Variants in EML1 observed in about 807,000 individuals in gnomAD.
EML1 encodes echinoderm microtubule-associated protein-like 1.
Under a neutral mutation model 110.4 loss-of-function variants are expected in EML1, and 27 were observed. That is an observed-to-expected ratio of 0.24 (90% confidence interval 0.18 to 0.34). EML1 has a LOEUF of 0.34. EML1 is among the 10% of genes least tolerant of loss of function. The pLI is 1.00. For synonymous variants in EML1, 344 were observed against 385.8 expected (o/e 0.89, Z 1.27); for missense variants, 741 against 1,030.9 (o/e 0.72, Z 3.85).
At chr14:99,873,386 G>T (rs143332046) in intron 3 of EML1, among the ~76,000 whole-genome samples, 1 of 152,356 alleles carries the variant, frequency 6.6e-6, no homozygotes, top group East Asian at 1.9e-4. Flanking sequence ...ACTGAAGCCA[G>T]TGCTGGGTAC....
intron 1 of EML1, among the ~76,000 whole-genome samples, chr14:99,829,885 G>A (rs951074479): frequency 6.6e-6 from 1 of 152,058 alleles, no homozygotes; most frequent in African/African-American, 2.4e-5. Context: ...TTGCTTATCC[G>A]TTCATCCATC....
At chr14:99,771,902 C>T (rs1340060670), upstream of EML1, among the ~76,000 whole-genome samples, 6 of 152,204 alleles carry the variant, frequency 3.9e-5, no homozygotes, top group Non-Finnish European at 5.9e-5. Context: ...TGTTTCTTGC[C>T]TATGTCATAC....
chr14:99,777,182 GA>G (rs1311964089), intron 1 of EML1, among the ~76,000 whole-genome samples: 2 of 151,858 alleles, frequency 1.3e-5, no homozygotes, highest in Non-Finnish European at 2.9e-5. Flanking sequence ...AGCTCAAGAA[GA>G]AAGATTAAAA....
chr14:99,911,984 C>A (rs141682418), intron 13 of EML1, among the ~76,000 whole-genome samples: 1 of 151,782 alleles, frequency 6.6e-6, no homozygotes, highest in Non-Finnish European at 1.5e-5. Flanking sequence ...CAACCTCCCC[C>A]TCCTGGGCTC....
At chr14:99,782,455 C>G (rs953514181) in intron 1 of EML1, among the ~76,000 whole-genome samples, 1 of 152,110 alleles carries the variant, frequency 6.6e-6, no homozygotes. Context: ...CTGTGAGACC[C>G]TCGGGTGTGG....
rs373198786 is a variant in EML1 at position 99,911,431 on chromosome 14, G to A, written c.1349G>A (p.Arg450Gln). The A allele has an allele frequency of 1.3e-5, 21 of 1,591,420 alleles. No individual in the cohort carries two copies. The highest frequency in any genetic ancestry group is 1.7e-4 in the Middle Eastern group (1 of 6,032). The change falls in exon 13 of 22, where the codon CGA becomes CAA. Residue 450 changes from arginine (R) to glutamine (Q), a missense_variant. Around this residue, in one of 4 missense-constraint regions of EML1, gnomAD observed 388 missense variants for 605.6 expected, o/e 0.64. Coordinates refer to ENST00000262233, the MANE Select transcript of EML1 (RefSeq NM_004434.3). Reference sequence around the variant, plus strand: ...TTCTTGGTGTGTTTAGGTACAAATCGAATAAGCTATGCAGTTCAGGGGGCC... The same window carrying A: ...TTCTTGGTGTGTTTAGGTACAAATCAAATAAGCTATGCAGTTCAGGGGGCC... ...NILVWGKGTN[R>Q]ISYAVQGAHE...
At position 99,939,011 on chromosome 14, in the gene EML1, AGT is replaced by A. The variant is rs1422059789; in HGVS notation, c.2192-184_2192-183del. On this transcript the variant is annotated intron_variant, in intron 20 of 21. Transcript: ENST00000262233. The surrounding 1 kb of genome is among the most constrained non-coding windows in gnomAD (Gnocchi z 4.2). ...TCAGAGGGTCTCCGAGACTGGCCTG[AGT>A]GAGAGGAGACTGGGCGCACAGCGAG... 4.6e-5 allele frequency among the ~76,000 whole-genome samples: 7 copies of A among 152,172 alleles called. No individual in the cohort carries two copies. Among genetic ancestry groups the A allele is most frequent in the African/African-American group, 1.7e-4 (7 of 41,436 alleles).
rs2059754861 is a variant in EML1 at position 99,901,051 on chromosome 14, C to T, written c.1008+12C>T. 9 of 1,603,356 alleles carry T rather than the reference C, an allele frequency of 5.6e-6. No homozygotes were observed. The highest frequency in any genetic ancestry group is 4.5e-5 in the East Asian group (2 of 44,836). On this transcript the variant is annotated intron_variant, in intron 9 of 21. Coordinates refer to ENST00000262233, the MANE Select transcript of EML1 (RefSeq NM_004434.3). ...CATTCTCAAAATCTGTAAGTATGTG[C>T]CCTGTGGATATTGCTGTCTTCTTCC...
chr14:99,882,010 G>T (rs1391072806), intron 4 of EML1, among the ~76,000 whole-genome samples: 1 of 152,094 alleles, frequency 6.6e-6, no homozygotes, highest in Non-Finnish European at 1.5e-5. Context: ...CTTTATCTTA[G>T]AATGTTTAAT....
upstream of EML1, among the ~76,000 whole-genome samples, chr14:99,768,534 A>C (rs1264151254): frequency 6.6e-6 from 1 of 152,134 alleles, no homozygotes; most frequent in Admixed American, 6.5e-5. Flanking sequence ...GAATATAGCA[A>C]AGGGAGGAGG....
chr14:99,782,061 G>A (rs1049545582), intron 1 of EML1, among the ~76,000 whole-genome samples: 4 of 152,132 alleles, frequency 2.6e-5, no homozygotes, highest in South Asian at 4.1e-4. Flanking sequence ...CCACCCTATC[G>A]TAGGGCACTG....
chr14:99,774,701 G>A (rs1228675072), intron 1 of EML1, among the ~76,000 whole-genome samples: 1 of 152,244 alleles, frequency 6.6e-6, no homozygotes, highest in Non-Finnish European at 1.5e-5. Context: ...GCCTGCTGGT[G>A]AGGGCCATGC....
intron 1 of EML1, chr14:99,850,200 A>AAGTGTTCTC (rs2058771641): frequency 6.9e-6 from 7 of 1,014,678 alleles, no homozygotes; most frequent in Non-Finnish European, 8.1e-6. Flanking sequence ...CAGCCTCCCA[A>AAGTGTTCTC]AGTGTTCTCT....
chr14:99,806,651 C>T (rs1375400134), intron 1 of EML1, among the ~76,000 whole-genome samples: 2 of 151,970 alleles, frequency 1.3e-5, no homozygotes, highest in African/African-American at 4.8e-5. Flanking sequence ...TGTGCTCCTT[C>T]CCCCAAGCAA....
At chr14:99,929,041 T>G (rs1352617595) in intron 17 of EML1, among the ~76,000 whole-genome samples, 1 of 152,230 alleles carries the variant, frequency 6.6e-6, no homozygotes, top group East Asian at 1.9e-4. Flanking sequence ...TAGAAAGCCA[T>G]CTGATACCTG....
intron 1 of EML1, among the ~76,000 whole-genome samples, chr14:99,842,658 T>C (rs2058651321): frequency 6.6e-6 from 1 of 152,190 alleles, no homozygotes; most frequent in Non-Finnish European, 1.5e-5. Context: ...ATCAAACTTT[T>C]TCCTATATAA....
chr14:99,747,623 C>T (rs2057126454), intron 1 of EML1, among the ~76,000 whole-genome samples: 2 of 152,338 alleles, frequency 1.3e-5, no homozygotes, highest in South Asian at 4.1e-4. Context: ...CAGGTCTGCA[C>T]TGCACCAGGG....
At chr14:99,814,957 G>A (rs2058142440) in intron 1 of EML1, among the ~76,000 whole-genome samples, 1 of 152,118 alleles carries the variant, frequency 6.6e-6, no homozygotes, top group South Asian at 2.1e-4. Context: ...GCTCAGAGAG[G>A]GAAATGGAAT....
chr14:99,832,533 G>A (rs1041293507), intron 1 of EML1, among the ~76,000 whole-genome samples: 2 of 152,108 alleles, frequency 1.3e-5, no homozygotes, highest in Admixed American at 6.5e-5. Context: ...AACTTGGTGT[G>A]GTCGGTCTTT....
Sources: allele counts gnomAD v4.1 joint callset (sites outside exome capture counted in the v4.1 genomes callset), GRCh38; gene constraint gnomAD v4.1.1; regional missense constraint gnomAD v4.1.1; non-coding constraint Gnocchi (gnomAD v3.1); transcripts MANE v1.5; gene names NCBI Gene and HGNC (gene_info 2026-07-23, HGNC 2026-07-21).